PTPRF: variants seen among roughly 807,000 people sequenced by gnomAD.
PTPRF encodes the protein protein tyrosine phosphatase receptor type F, also known as receptor-type tyrosine-protein phosphatase F.
In PTPRF, 59 loss-of-function variants were observed where a neutral mutation model predicts 201.8. That is an observed-to-expected ratio of 0.29 (90% confidence interval 0.24 to 0.36). The LOEUF is 0.36. Among genes scored for constraint, PTPRF ranks in the 10% least tolerant of loss-of-function variants. The pLI is 1.00. For missense variants in PTPRF, 2,132 were observed against 2,690.5 expected, an observed-to-expected ratio of 0.79 and a Z score of 4.59; for synonymous variants, 1,088 against 1,089.7, an observed-to-expected ratio of 1.00 and a Z score of 0.03.
intron 13 of PTPRF, 88 bp downstream of exon 13, chr1:43,599,001 C>T: frequency 7.3e-7 from 1 of 1,377,420 alleles, no homozygotes; most frequent in African/African-American, 1.4e-5. Flanking sequence ...TGTCCCTCTT[C>T]CCCTGCCTGC....
chr1:43,553,668 G>T lies in PTPRF; in HGVS notation c.237+31G>T, dbSNP rs956738810. On this transcript the variant is annotated intron_variant, in intron 4 of 33. Coordinates refer to ENST00000359947, the MANE Select transcript of PTPRF (RefSeq NM_002840.5). This position sits in a 1 kb window ranked among gnomAD's most constrained non-coding sequence, Gnocchi z 4.1. Reference sequence around the variant, plus strand: ...TCTGTGGTGGGAAGGGGTCGGCAGGGCTCAGGGTCTGCCCACACTCTCTCC... The same window carrying T: ...TCTGTGGTGGGAAGGGGTCGGCAGGTCTCAGGGTCTGCCCACACTCTCTCC... The T allele has an allele frequency of 6.2e-6, 10 of 1,613,056 alleles. No individual in the cohort carries two copies. The highest frequency in any genetic ancestry group is 8.5e-6 in the Non-Finnish European group (10 of 1,179,498).
At chr1:43,614,175 A>G (rs1570673588) in intron 23 of PTPRF, among the ~76,000 whole-genome samples, 1 of 152,170 alleles carries the variant, frequency 6.6e-6, no homozygotes, top group Non-Finnish European at 1.5e-5. Flanking sequence ...TTATTATCCC[A>G]TCTTCCAGGT....
At position 43,591,186 on chromosome 1, in the gene PTPRF, C is replaced by T. The variant is rs1360187245; in HGVS notation, c.1164C>T (p.Arg388=). ...GLSPFSEYAF[R]VLAVNSIGRG... ...GCCCTTTCTCGGAATATGCCTTCCG[C>T]GTGCTGGCGGTGAACAGCATCGGGC... The change falls in exon 9 of 34, where the codon CGC becomes CGT. Residue 388 remains arginine, a synonymous_variant. Coordinates refer to ENST00000359947, the MANE Select transcript of PTPRF (RefSeq NM_002840.5). 1.6e-5 allele frequency: 25 copies of T among 1,611,074 alleles called. No individual in the cohort carries two copies. The highest frequency in any genetic ancestry group is 6.7e-5 in the African/African-American group (5 of 74,938).
intron 16 of PTPRF, among the ~76,000 whole-genome samples, chr1:43,604,666 C>T (rs922237105): frequency 6.6e-6 from 1 of 152,208 alleles, no homozygotes; most frequent in African/African-American, 2.4e-5. Flanking sequence ...GATTCTGACC[C>T]TGGTTGCTGT....
rs1659557321 is a variant in PTPRF, at chr1:43,623,451, T to A, written c.*1448T>A. The A allele has an allele frequency of 2.6e-5, 4 of 152,600 alleles. No homozygotes were observed. The South Asian group carries it at 8.3e-4, about 32-fold the overall frequency. 9.5% of individuals were successfully genotyped at this position (152,600 alleles called of 1,614,324 possible). A position where few individuals can be genotyped will look rare whatever the true frequency, so the allele number is the denominator to read the frequency against. ...GCATAGCTGTTTTAGCTGAGGGACG[T>A]GGTGCCGACGTCCCCAAACCTAGCT... On this transcript the variant is annotated 3_prime_UTR_variant, in exon 34 of 34. Coordinates refer to ENST00000359947, the MANE Select transcript of PTPRF (RefSeq NM_002840.5).
intron 22 of PTPRF, chr1:43,612,899 A>C: frequency 9.7e-7 from 1 of 1,032,318 alleles, no homozygotes; most frequent in Non-Finnish European, 1.4e-6. Flanking sequence ...TCCTTCCTTG[A>C]ATTCTTCTCT....
At position 43,545,122 on chromosome 1, in the gene PTPRF, C is replaced by T. The variant is rs563605163; in HGVS notation, c.47C>T (p.Pro16Leu). The change falls in exon 3 of 34, where the codon CCT becomes CTT. Residue 16 changes from proline to leucine, a missense_variant. Physicochemically the swap from Pro to Leu is moderately conservative, Grantham distance 98. This residue lies in a region of PTPRF where 297 missense variants were observed against 454.0 expected (regional missense o/e 0.65). Transcript: ENST00000359947. Reference sequence around the variant, plus strand: ...GGGAGGACGATGGTGCCCCTTGTGCCTGCACTGGTGATGCTTGGTTTGGTG... The same window carrying T: ...GGGAGGACGATGGTGCCCCTTGTGCTTGCACTGGTGATGCTTGGTTTGGTG... The part of the protein sequence containing the change: ...APGRTMVPLV[P>L]ALVMLGLVAG... The T allele has an allele frequency of 6.3e-5, 101 of 1,590,824 alleles. 1 individual carries two copies. The South Asian group carries it at 1.0e-3, about 16-fold the overall frequency.
chr1:43,586,201 C>T (rs1418967861), intron 7 of PTPRF, among the ~76,000 whole-genome samples: 1 of 152,240 alleles, frequency 6.6e-6, no homozygotes, highest in Non-Finnish European at 1.5e-5. Context: ...AGCATAGCTT[C>T]CCTTCCCATG....
upstream of PTPRF, among the ~76,000 whole-genome samples, chr1:43,522,903 C>T (rs1178118156): frequency 2.0e-5 from 3 of 152,246 alleles, no homozygotes; most frequent in South Asian, 4.1e-4. Flanking sequence ...CGAAGGTTTT[C>T]GTGGCGGAGT....
At chr1:43,563,648 G>T (rs371300139) in intron 5 of PTPRF, among the ~76,000 whole-genome samples, 1 of 152,212 alleles carries the variant, frequency 6.6e-6, no homozygotes, top group Non-Finnish European at 1.5e-5. Context: ...GGGTGCTGCC[G>T]AGAGGCCCGG....
chr1:43,534,630 T>C (rs946772937), intron 1 of PTPRF, among the ~76,000 whole-genome samples: 1 of 152,018 alleles, frequency 6.6e-6, no homozygotes, highest in Non-Finnish European at 1.5e-5. Flanking sequence ...TAGTTGGACA[T>C]GTGGCCCTTG....
chr1:43,560,313 G>T (rs1249021570), intron 5 of PTPRF, among the ~76,000 whole-genome samples: 2 of 151,424 alleles, frequency 1.3e-5, no homozygotes, highest in African/African-American at 4.9e-5. Flanking sequence ...GGCCATGTGT[G>T]TGGTGCATAC....
intron 25 of PTPRF, 52 bp downstream of exon 25, chr1:43,617,963 G>A (rs762314734): frequency 1.2e-5 from 18 of 1,543,998 alleles, no homozygotes; most frequent in Non-Finnish European, 1.5e-5. Flanking sequence ...CCAGCCACAA[G>A]GTGATACAGG....
At chr1:43,612,592 G>A (rs184000260) in intron 22 of PTPRF, among the ~76,000 whole-genome samples, 259 of 152,210 alleles carry the variant, frequency 1.7e-3, no homozygotes, top group African/African-American at 6.0e-3. Flanking sequence ...GAGCCTTGAC[G>A]GAACTTGTCC....
In PTPRF at chr1:43,622,588, G is replaced by A. The variant is rs780268019; in HGVS notation, c.*585G>A. On this transcript the variant is annotated 3_prime_UTR_variant, in exon 34 of 34. Transcript: ENST00000359947. ...GTGGGCCGGGAGGCAGTGCTGATCCGGCTGCTCCTCCAGCCCTTCAGACGA... is the reference window on the plus strand; with the variant it reads ...GTGGGCCGGGAGGCAGTGCTGATCCAGCTGCTCCTCCAGCCCTTCAGACGA... 9.2e-5 allele frequency: 14 copies of A among 152,492 alleles called. No homozygotes were observed. The highest frequency in any genetic ancestry group is 2.2e-4 in the African/African-American group (9 of 41,456). 9.4% of individuals were successfully genotyped at this position (152,492 alleles called of 1,614,324 possible). A position where few individuals can be genotyped will look rare whatever the true frequency, so the allele number is the denominator to read the frequency against.
At chr1:43,523,462 A>G (rs1347098541), upstream of PTPRF, among the ~76,000 whole-genome samples, 5 of 152,054 alleles carry the variant, frequency 3.3e-5, no homozygotes, top group Non-Finnish European at 5.9e-5. Flanking sequence ...GAGGAGGATG[A>G]CCCCGCCAAG....
At chr1:43,591,625 C>A in intron 9 of PTPRF, 72 bp downstream of exon 9, 1 of 1,470,808 alleles carries the variant, frequency 6.8e-7, no homozygotes, top group African/African-American at 1.4e-5. Context: ...GGTGCCTTTC[C>A]CCCTCCCTCG....
In PTPRF at chr1:43,622,105, C is replaced by G; in HGVS notation, c.*102C>G. 8.0e-7 allele frequency: 1 copy of G among 1,257,502 alleles called. No individual in the cohort carries two copies. The highest frequency in any genetic ancestry group is 1.2e-6 in the Non-Finnish European group (1 of 869,264). The allele number at this position is 1,257,502 out of a possible 1,614,324, so 77.9% of individuals were successfully genotyped here. On this transcript the variant is annotated 3_prime_UTR_variant, in exon 34 of 34. Coordinates refer to ENST00000359947, the MANE Select transcript of PTPRF (RefSeq NM_002840.5). ...ATCGTCCAGCCCTCCTACGCAGATG[C>G]TGTCACTGGCAGAGCACAGCCCACG... is the stretch of plus-strand genomic sequence containing the variant.
chr1:43,617,308 C>A, intron 23 of PTPRF, 137 bp from the exon 24 acceptor site: 1 of 1,271,716 alleles, frequency 7.9e-7, no homozygotes, highest in Non-Finnish European at 1.1e-6. Flanking sequence ...GCTGGCACCA[C>A]GAGATAGAGG....
Sources: allele counts gnomAD v4.1 joint callset (sites outside exome capture counted in the v4.1 genomes callset), GRCh38; gene constraint gnomAD v4.1.1; regional missense constraint gnomAD v4.1.1; non-coding constraint Gnocchi (gnomAD v3.1); transcripts MANE v1.5; gene names NCBI Gene and HGNC (gene_info 2026-07-23, HGNC 2026-07-21).